The following SCAPER variants were observed in gnomAD, a reference collection of about 807,000 sequenced individuals.
SCAPER encodes S phase cyclin A-associated protein in the endoplasmic reticulum.
In SCAPER, 98 loss-of-function variants were observed where a neutral mutation model predicts 182.2. That is an observed-to-expected ratio of 0.54 (90% CI 0.46 to 0.64). SCAPER has a LOEUF of 0.64. Among genes scored for constraint, SCAPER ranks in the 30% least tolerant of loss-of-function variants. SCAPER has a pLI of 0.00. For missense variants in SCAPER, 1,432 were observed against 1,690.0 expected, an observed-to-expected ratio of 0.85 and a Z score of 2.68; for synonymous variants, 605 against 564.6, an observed-to-expected ratio of 1.07 and a Z score of -1.01.
intron 21 of SCAPER, among the ~76,000 whole-genome samples, chr15:76,637,020 A>G (rs2053658504): frequency 6.6e-6 from 1 of 152,148 alleles, no homozygotes; most frequent in Non-Finnish European, 1.5e-5. Context: ...TTCATACACT[A>G]TATAATCCAT....
chr15:76,591,846 C>T (rs974767170), intron 22 of SCAPER, among the ~76,000 whole-genome samples: 1 of 152,088 alleles, frequency 6.6e-6, no homozygotes, highest in Non-Finnish European at 1.5e-5. Context: ...GATTGCTTTA[C>T]CTCAGCAGTT....
chr15:76,848,323 GTTTTT>G (rs60859623), intron 4 of SCAPER, among the ~76,000 whole-genome samples: 2 of 132,344 alleles, frequency 1.5e-5, no homozygotes, highest in African/African-American at 3.0e-5. Flanking sequence ...TTTTTTTGGG[GTTTTT>G]TTTTTTTTTT....
rs556585064 is a variant in SCAPER, at chr15:76,456,450, A to T, written c.3078+14762T>A. ...TCTAACTTCATCCCACTGTCTTCAGAGGACATATTTTCAATGATTTCAAGC... is the reference window on the plus strand; with the variant it reads ...TCTAACTTCATCCCACTGTCTTCAGTGGACATATTTTCAATGATTTCAAGC... On this transcript the variant is annotated intron_variant, in intron 25 of 31. Transcript: ENST00000563290. Among the ~76,000 whole-genome samples the T allele has an allele frequency of 3.6e-3, 554 of 152,348 alleles. 7 individuals carry two copies. Among genetic ancestry groups the T allele is most frequent in the African/African-American group, 0.013 (541 of 41,576 alleles).
chr15:76,796,109 G>C (rs1224499077), intron 7 of SCAPER, among the ~76,000 whole-genome samples: 2 of 152,096 alleles, frequency 1.3e-5, no homozygotes, highest in Non-Finnish European at 2.9e-5. Flanking sequence ...CGTCAATCTT[G>C]ATAAAGACAC....
rs534459382 is a variant in SCAPER, at chr15:76,859,031, CTT to C, written c.125-1154_125-1153del. 2.9e-4 allele frequency among the ~76,000 whole-genome samples: 44 copies of C among 152,318 alleles called. 1 individual carries two copies. In the East Asian group the frequency reaches 7.3e-3, roughly 25 times the overall value. ...TCAAATGGTAGTTCTGTTTTCAACT[CTT>C]TGAGTAATCACCAAAAGTGCTTTCC... On this transcript the variant is annotated intron_variant, in intron 3 of 31. Transcript: ENST00000563290.
intron 20 of SCAPER, among the ~76,000 whole-genome samples, chr15:76,693,283 T>C (rs1441103492): frequency 6.6e-6 from 1 of 152,172 alleles, no homozygotes; most frequent in African/African-American, 2.4e-5. Flanking sequence ...GAATTGCTAA[T>C]TTAAAGTAAG....
At chr15:76,527,598 A>G (rs1371995615) in intron 23 of SCAPER, among the ~76,000 whole-genome samples, 1 of 152,198 alleles carries the variant, frequency 6.6e-6, no homozygotes, top group African/African-American at 2.4e-5. Context: ...TTTTAGGAGA[A>G]GAAAAGACCC....
At chr15:76,899,898 A>C (rs926081699) in intron 1 of SCAPER, among the ~76,000 whole-genome samples, 4 of 152,248 alleles carry the variant, frequency 2.6e-5, no homozygotes. Flanking sequence ...TTTGTCGAAA[A>C]GAAAAGGGGG....
intron 26 of SCAPER, among the ~76,000 whole-genome samples, chr15:76,419,550 G>C (rs2045884000): frequency 6.6e-6 from 1 of 151,874 alleles, no homozygotes; most frequent in Non-Finnish European, 1.5e-5. Flanking sequence ...GAGACACCCT[G>C]TCTCTACGAA....
At chr15:76,731,489 T>C (rs905112840) in intron 16 of SCAPER, among the ~76,000 whole-genome samples, 3 of 152,228 alleles carry the variant, frequency 2.0e-5, no homozygotes. Flanking sequence ...TTGCCTTTAA[T>C]AGTCCATGAG....
intron 23 of SCAPER, among the ~76,000 whole-genome samples, chr15:76,565,044 T>C (rs2046935241): frequency 6.6e-6 from 1 of 152,126 alleles, no homozygotes; most frequent in African/African-American, 2.4e-5. Flanking sequence ...GACTTAAATG[T>C]AAAATCCGAA....
chr15:76,603,978 TG>T (rs1180896002), intron 22 of SCAPER, among the ~76,000 whole-genome samples: 77 of 119,750 alleles, frequency 6.4e-4, no homozygotes, highest in Non-Finnish European at 8.4e-4. Context: ...GTAGGTTGCC[TG>T]TTCAGTCTGA....
chr15:76,803,485 T>C (rs2065930622), intron 6 of SCAPER, among the ~76,000 whole-genome samples: 1 of 152,222 alleles, frequency 6.6e-6, no homozygotes, highest in Non-Finnish European at 1.5e-5. Flanking sequence ...CAGTCTTTCC[T>C]GTTAGAAATG....
rs1306230467 is a variant in SCAPER, at chr15:76,444,329, GAATTA to G, written c.3079-10024_3079-10020del. Among the ~76,000 whole-genome samples, 23 of 152,150 alleles carry G rather than the reference GAATTA, an allele frequency of 1.5e-4. 1 individual carries two copies. The highest frequency in any genetic ancestry group is 2.9e-5 in the Non-Finnish European group (2 of 68,028). ...CCAGGACCCTTAGTTTTTTAGGGAT[GAATTA>G]GGTGGCTGGTAGTACCACTTATAAA... On this transcript the variant is annotated intron_variant, in intron 25 of 31. Coordinates refer to ENST00000563290, the MANE Select transcript of SCAPER (RefSeq NM_020843.4).
At chr15:76,481,253 T>C (rs1449442586) in intron 24 of SCAPER, among the ~76,000 whole-genome samples, 1 of 152,224 alleles carries the variant, frequency 6.6e-6, no homozygotes, top group African/African-American at 2.4e-5. Context: ...AATTGCTTTA[T>C]AAATATGCTG....
intron 9 of SCAPER, among the ~76,000 whole-genome samples, chr15:76,773,390 A>C (rs1316142839): frequency 1.3e-5 from 2 of 151,944 alleles, no homozygotes; most frequent in Non-Finnish European, 2.9e-5. Context: ...TTTATTCACT[A>C]CACACATTGC....
intron 25 of SCAPER, among the ~76,000 whole-genome samples, chr15:76,447,155 C>A (rs1390881450): frequency 6.6e-6 from 1 of 152,040 alleles, no homozygotes; most frequent in Non-Finnish European, 1.5e-5. Context: ...CCATAAAAAC[C>A]CAATAGGATA....
chr15:76,879,770 G>A (rs2073415492), intron 2 of SCAPER, among the ~76,000 whole-genome samples: 1 of 151,964 alleles, frequency 6.6e-6, no homozygotes, highest in African/African-American at 2.4e-5. Context: ...ACGTCCTAAG[G>A]CTAAGTTTTC....
intron 10 of SCAPER, among the ~76,000 whole-genome samples, chr15:76,770,194 G>T (rs1346978873): frequency 1.4e-5 from 2 of 147,714 alleles, no homozygotes; most frequent in Non-Finnish European, 3.0e-5. Flanking sequence ...TCACATACCT[G>T]GGCTGGTCAG....
Sources: gnomAD v4.1 joint callset for allele counts (sites outside exome capture counted in the v4.1 genomes callset) on GRCh38, gnomAD v4.1.1 for gene constraint, MANE v1.5 for transcripts, NCBI Gene and HGNC (gene_info 2026-07-23, HGNC 2026-07-21) for gene names.